SPAG17: variants seen among roughly 807,000 people sequenced by gnomAD.
SPAG17 encodes the protein sperm associated antigen 17, also known as sperm-associated antigen 17.
In SPAG17, 169 loss-of-function variants were observed where a neutral mutation model predicts 273.6. The ratio of observed to expected loss-of-function variants is 0.62; its 90% CI spans 0.55 to 0.70. The LOEUF (loss-of-function observed/expected upper bound fraction) is 0.70. Ranked by LOEUF, SPAG17 falls within the 30% of genes least tolerant of loss-of-function variation. The pLI, the probability that SPAG17 is intolerant of heterozygous loss-of-function variation, is 0.00. For synonymous variants in SPAG17, 825 were observed against 873.2 expected (o/e 0.94, Z 0.97); for missense variants, 2,557 against 2,627.8 (o/e 0.97, Z 0.59).
rs750006219 is a variant in SPAG17, at chr1:118,041,817, T to C, written c.3040A>G (p.Lys1014Glu). The C allele has an allele frequency of 8.1e-6, 13 of 1,610,834 alleles. No individual in the cohort carries two copies. Among genetic ancestry groups the C allele is most frequent in the South Asian group, 4.4e-5 (4 of 90,336 alleles). ...TTGGAGTTTACCGGGTAAGTTATCT[T>C]AGGTTCTGGTTGGTGGGGGGACTCT... ...TEESPHQPEP[K>E]ITYPFHGYNM... Residue 1014 changes from lysine (K) to glutamate (E), a missense_variant, in exon 21 of 49, where the codon AAG (lysine) becomes GAG (glutamate). Physicochemically the swap from Lys to Glu is moderately conservative, Grantham distance 56. Transcript: ENST00000336338.
intron 48 of SPAG17, chr1:117,955,492 A>C: frequency 1.3e-6 from 1 of 771,778 alleles, no homozygotes; most frequent in South Asian, 2.4e-5. Context: ...GTTTTGATGG[A>C]AAATAATTTA....
Position 118,102,047 on chromosome 1 carries a change from T to G in SPAG17, c.448-121A>C, listed in dbSNP as rs568940762. On this transcript the variant is annotated intron_variant, in intron 4 of 48. Transcript: ENST00000336338. ...ACTTGTATACTCTTTATTTTTTAGGTATTCATTATATAAGTCAGCATAGTG... is the reference window on the plus strand; with the variant it reads ...ACTTGTATACTCTTTATTTTTTAGGGATTCATTATATAAGTCAGCATAGTG... 436 of 847,102 alleles carry G rather than the reference T, an allele frequency of 5.1e-4. No homozygotes were observed. The African/African-American group carries it at 6.9e-3, about 13-fold the overall frequency. 52.5% of individuals were successfully genotyped at this position (847,102 alleles called of 1,614,324 possible).
intron 19 of SPAG17, among the ~76,000 whole-genome samples, chr1:118,054,773 C>T (rs2101996344): frequency 6.6e-6 from 1 of 151,844 alleles, no homozygotes; most frequent in Middle Eastern, 3.4e-3. Context: ...TCTGGGTCCC[C>T]ATCAGGACCC....
chr1:118,100,737 C>A (rs1193820733), intron 5 of SPAG17, among the ~76,000 whole-genome samples: 1 of 152,130 alleles, frequency 6.6e-6, no homozygotes, highest in African/African-American at 2.4e-5. Context: ...TTTAAATATG[C>A]AGATAACAAC....
chr1:117,988,036 C>T, intron 39 of SPAG17, 69 bp downstream of exon 39: 2 of 1,448,908 alleles, frequency 1.4e-6, no homozygotes, highest in Non-Finnish European at 1.9e-6. Flanking sequence ...GTTATAGCAC[C>T]TGCATATTCC....
chr1:117,985,139 T>C (rs1656268658), intron 40 of SPAG17, among the ~76,000 whole-genome samples: 1 of 152,194 alleles, frequency 6.6e-6, no homozygotes, highest in Admixed American at 6.5e-5. Flanking sequence ...AGCTAGAGTC[T>C]ACTGGTTTTC....
rs1291191235 is a variant in SPAG17, at chr1:118,081,125, C to T, written c.2185G>A (p.Ala729Thr). 1.2e-6 allele frequency: 2 copies of T among 1,613,516 alleles called. No individual in the cohort carries two copies. Among genetic ancestry groups the T allele is most frequent in the East Asian group, 2.2e-5 (1 of 44,868 alleles). ...CCCAGAGACTCATGTTGGGGCTGAG[C>T]CTTCATGATGCTCTCCTGCTCTAAC... ...QLLEQESIMK[A>T]QPQHESLEQT... is the part of the protein sequence containing the mutation. The change falls in exon 15 of 49, where the codon GCT (alanine) becomes ACT (threonine). Residue 729 changes from alanine to threonine, a missense_variant. Coordinates refer to ENST00000336338, the MANE Select transcript of SPAG17 (RefSeq NM_206996.4).
rs1570769782 is a variant in SPAG17, at chr1:118,143,649, C to T, written c.315+6894G>A. The stretch of plus-strand genomic sequence containing the variant: ...TTCAATAAGTGGTAACTTTTATTAT[C>T]ACCATATGTAATTATTGATTTTTCA... On this transcript the variant is annotated intron_variant, in intron 3 of 48. Coordinates refer to ENST00000336338, the MANE Select transcript of SPAG17 (RefSeq NM_206996.4). Among the ~76,000 whole-genome samples, 3 of 152,282 alleles carry T rather than the reference C, an allele frequency of 2.0e-5. No homozygotes were observed. The South Asian group carries it at 6.2e-4, about 32-fold the overall frequency.
Position 117,990,865 on chromosome 1 carries a change from A to G in SPAG17, c.5517T>C (p.Thr1839=). Residue 1839 remains threonine (T), a synonymous_variant, in exon 38 of 49, where the codon ACT becomes ACC. Coordinates refer to ENST00000336338, the MANE Select transcript of SPAG17 (RefSeq NM_206996.4). The part of the protein sequence containing the change: ...KMEETTKSHV[T]EVAAHLTDLF... Reference sequence around the variant, plus strand: ...AGAATATTAAATGCAACTTACCTTCAGTAACATGACTTTTTGTAGTTTCCT... The same window carrying G: ...AGAATATTAAATGCAACTTACCTTCGGTAACATGACTTTTTGTAGTTTCCT... 1 of 1,570,574 alleles carries G rather than the reference A, an allele frequency of 6.4e-7. No individual in the cohort carries two copies. The highest frequency in any genetic ancestry group is 1.2e-5 in the South Asian group (1 of 86,034).
At chr1:118,031,150 A>C (rs1191890106) in intron 25 of SPAG17, among the ~76,000 whole-genome samples, 1 of 145,434 alleles carries the variant, frequency 6.9e-6, no homozygotes, top group Non-Finnish European at 1.5e-5. Flanking sequence ...ACTATGATGA[A>C]GGGCTAGGGG....
Position 118,094,687 on chromosome 1 carries a change from G to T in SPAG17, c.1012-1370C>A, listed in dbSNP as rs78384822. 5.3e-4 allele frequency among the ~76,000 whole-genome samples: 80 copies of T among 152,256 alleles called. No homozygotes were observed. The East Asian group carries it at 0.015, about 28-fold the overall frequency. On this transcript the variant is annotated intron_variant, in intron 7 of 48. Transcript: ENST00000336338. ...CTTATTAAATGATCTTGTTTAAAAT[G>T]AACTGTGATCTTACCTATTAAATTC... is the stretch of plus-strand genomic sequence containing the variant.
intron 3 of SPAG17, among the ~76,000 whole-genome samples, chr1:118,121,749 A>G (rs547133462): frequency 2.4e-4 from 36 of 152,330 alleles, no homozygotes; most frequent in African/African-American, 8.4e-4. Flanking sequence ...TGCACAAAAT[A>G]TGTGTGTTTG....
At chr1:118,043,468 T>A (rs898606408) in intron 20 of SPAG17, among the ~76,000 whole-genome samples, 1 of 152,122 alleles carries the variant, frequency 6.6e-6, no homozygotes, top group African/African-American at 2.4e-5. Context: ...ACAAAGGCAA[T>A]AAAGACTCAA....
chr1:118,150,282 T>C (rs1659299854), intron 3 of SPAG17: 1 of 266,110 alleles, frequency 3.8e-6, no homozygotes, highest in Admixed American at 5.3e-5. Flanking sequence ...TTCTGATTTA[T>C]ATTTTTCAAT....
At chr1:118,154,849 CTTAAGAAGTTTAAGT>C (rs559860087) in intron 1 of SPAG17, among the ~76,000 whole-genome samples, 68 of 152,146 alleles carry the variant, frequency 4.5e-4, no homozygotes, top group African/African-American at 1.6e-3. Flanking sequence ...CTTAAACTAT[CTTAAGAAGTTTAAGT>C]TTAAGATAGT....
chr1:118,135,429 G>C (rs1011918878), intron 3 of SPAG17, among the ~76,000 whole-genome samples: 9 of 148,692 alleles, frequency 6.1e-5, no homozygotes, highest in Non-Finnish European at 8.9e-5. Flanking sequence ...GTGTGTGTGT[G>C]TGGGGTATGG....
At chr1:118,032,058 T>C (rs752911844) in intron 24 of SPAG17, among the ~76,000 whole-genome samples, 191 bp from the exon 25 acceptor site, 3 of 152,152 alleles carry the variant, frequency 2.0e-5, no homozygotes, top group Admixed American at 6.5e-5. Flanking sequence ...GTTAGAAAAT[T>C]TGAGGTATTT....
At position 118,155,096 on chromosome 1, in the gene SPAG17, C is replaced by T. The variant is rs542077258; in HGVS notation, c.88-3727G>A. 2.6e-5 allele frequency among the ~76,000 whole-genome samples: 4 copies of T among 152,190 alleles called. No individual in the cohort carries two copies. The East Asian group carries it at 7.8e-4, about 30-fold the overall frequency. ...ATGATCATTGCTGAGTCTCACCCCTCCTAGTGATTGATAAAGCCATTCAAA... is the reference window on the plus strand; with the variant it reads ...ATGATCATTGCTGAGTCTCACCCCTTCTAGTGATTGATAAAGCCATTCAAA... On this transcript the variant is annotated intron_variant, in intron 1 of 48. Coordinates refer to ENST00000336338, the MANE Select transcript of SPAG17 (RefSeq NM_206996.4).
intron 26 of SPAG17, among the ~76,000 whole-genome samples, chr1:118,026,017 A>C (rs1647704836): frequency 6.6e-6 from 1 of 152,166 alleles, no homozygotes; most frequent in African/African-American, 2.4e-5. Flanking sequence ...TTGCTGAATT[A>C]GGTGTTTCCT....
Sources: allele counts gnomAD v4.1 joint callset (sites outside exome capture counted in the v4.1 genomes callset), GRCh38; gene constraint gnomAD v4.1.1; transcripts MANE v1.5; gene names NCBI Gene and HGNC (gene_info 2026-07-23, HGNC 2026-07-21).